Variants in PKNOX2 observed in about 807,000 individuals in gnomAD.
The protein encoded by PKNOX2 is homeobox protein PKNOX2.
Under a neutral mutation model 53.1 loss-of-function variants are expected in PKNOX2, and 14 were observed. That is an observed-to-expected ratio of 0.26 (90% CI 0.17 to 0.41). The LOEUF (loss-of-function observed/expected upper bound fraction) is 0.41. Among genes scored for constraint, PKNOX2 ranks in the 10% least tolerant of loss-of-function variants. The pLI, the probability that PKNOX2 is intolerant of heterozygous loss-of-function variation, is 1.00. For synonymous variants in PKNOX2, 257 were observed against 242.8 expected, an observed-to-expected ratio of 1.06 and a Z score of -0.54; for missense variants, 496 against 602.8, an observed-to-expected ratio of 0.82 and a Z score of 1.85.
intron 10 of PKNOX2, among the ~76,000 whole-genome samples, chr11:125,423,826 T>C (rs1448021423): frequency 6.6e-6 from 1 of 152,248 alleles, no homozygotes; most frequent in Middle Eastern, 3.4e-3. Context: ...TTGCTGGCAT[T>C]GTGAAGCATA....
chr11:125,261,335 G>A (rs146418647), intron 2 of PKNOX2, among the ~76,000 whole-genome samples: 2 of 152,284 alleles, frequency 1.3e-5, no homozygotes, highest in African/African-American at 4.8e-5. Context: ...TCATAGATCT[G>A]GTTTCAACCT....
chr11:125,300,292 A>C lies in PKNOX2; in HGVS notation c.-129-31527A>C, dbSNP rs373846708. Among the ~76,000 whole-genome samples, 7 of 152,318 alleles carry C rather than the reference A, an allele frequency of 4.6e-5. No individual in the cohort carries two copies. The East Asian group carries it at 5.8e-4, about 13-fold the overall frequency. On this transcript the variant is annotated intron_variant, in intron 2 of 12. Transcript: ENST00000298282. ...CAGGCAATGACCACTACTACTACTA[A>C]TAATAGCAATAGCAGCTGGCAGTTT... is the stretch of plus-strand genomic sequence containing the variant.
intron 1 of PKNOX2, among the ~76,000 whole-genome samples, chr11:125,202,917 C>T (rs980467318): frequency 2.6e-5 from 4 of 152,130 alleles, no homozygotes; most frequent in African/African-American, 4.8e-5. Context: ...TTTAAAAAAC[C>T]TTTCATTATG....
intron 4 of PKNOX2, among the ~76,000 whole-genome samples, chr11:125,358,140 C>T (rs1016494834): frequency 6.6e-6 from 1 of 152,198 alleles, no homozygotes; most frequent in Non-Finnish European, 1.5e-5. Context: ...ATTCTTCACT[C>T]GATCACCTGC....
chr11:125,431,268 CAGAAGA>C lies in PKNOX2; in HGVS notation c.1299_1304del (p.Glu434_Glu435del). ...GCACACGATGACTCATTGGATGGGA[CAGAAGA>C]AGAGGATGAGGATGAGATGGAAGAG... On this transcript the variant is annotated inframe_deletion, in exon 13 of 13. Transcript: ENST00000298282. 5 of 1,613,594 alleles carry C rather than the reference CAGAAGA, an allele frequency of 3.1e-6. No homozygotes were observed. Among genetic ancestry groups the C allele is most frequent in the Non-Finnish European group, 4.2e-6 (5 of 1,179,906 alleles).
chr11:125,180,825 T>C (rs1028659287), intron 1 of PKNOX2, among the ~76,000 whole-genome samples: 1 of 152,190 alleles, frequency 6.6e-6, no homozygotes, highest in Non-Finnish European at 1.5e-5. Flanking sequence ...AAGGCAGCTA[T>C]TGGCAACTGA....
At chr11:125,223,378 C>A (rs939602873) in intron 1 of PKNOX2, among the ~76,000 whole-genome samples, 2 of 152,074 alleles carry the variant, frequency 1.3e-5, no homozygotes, top group African/African-American at 2.4e-5. Context: ...TACAGGCACC[C>A]GCCACCATGC....
At chr11:125,167,787 TACTCTTCCAA>T (rs1193719078) in intron 1 of PKNOX2, among the ~76,000 whole-genome samples, 5 of 152,286 alleles carry the variant, frequency 3.3e-5, no homozygotes, top group Non-Finnish European at 7.4e-5. Context: ...ACCTCCCCTT[TACTCTTCCAA>T]AATGGGCCTG....
chr11:125,370,275 T>G lies in PKNOX2; in HGVS notation c.227+2290T>G, dbSNP rs1049782655. On this transcript the variant is annotated intron_variant, in intron 5 of 12. Coordinates refer to ENST00000298282, the MANE Select transcript of PKNOX2 (RefSeq NM_001382323.2). This position sits in a 1 kb window ranked among gnomAD's most constrained non-coding sequence, Gnocchi z 4.1. ...CCTGCGTCCAGCACCAAACAGAGGG[T>G]TTACTCTGTCCCACCAATGGGAACC... 1.3e-5 allele frequency among the ~76,000 whole-genome samples: 2 copies of G among 151,870 alleles called. No individual in the cohort carries two copies. The highest frequency in any genetic ancestry group is 2.9e-5 in the Non-Finnish European group (2 of 67,976).
chr11:125,319,874 A>T (rs1949417124), intron 2 of PKNOX2, among the ~76,000 whole-genome samples: 1 of 152,184 alleles, frequency 6.6e-6, no homozygotes, highest in South Asian at 2.1e-4. Flanking sequence ...GCCTGGGTGG[A>T]TGGAGGCCAA....
At position 125,385,610 on chromosome 11, in the gene PKNOX2, G is replaced by T. The variant is rs774678193; in HGVS notation, c.287G>T (p.Gly96Val). 7 of 1,613,496 alleles carry T rather than the reference G, an allele frequency of 4.3e-6. No homozygotes were observed. In the East Asian group the frequency reaches 1.1e-4, roughly 26 times the overall value. Residue 96 changes from glycine (G) to valine (V), a missense_variant, in exon 6 of 13, where the codon GGC becomes GTC. Gly to Val is a moderately radical substitution (Grantham distance 109). This residue lies in a region of PKNOX2 where 168 missense variants were observed against 178.4 expected (regional missense o/e 0.94). Transcript: ENST00000298282. Reference protein sequence around the residue: ...LFEKCEQATQGSECITSASFD... With the variant: ...LFEKCEQATQVSECITSASFD... ...GAGAAATGTGAACAGGCCACCCAGGGCTCTGAGTGCATCACCTCCGCCAGC... is the reference window on the plus strand; with the variant it reads ...GAGAAATGTGAACAGGCCACCCAGGTCTCTGAGTGCATCACCTCCGCCAGC...
chr11:125,342,610 T>C (rs888353195), intron 3 of PKNOX2, among the ~76,000 whole-genome samples: 3 of 152,196 alleles, frequency 2.0e-5, no homozygotes, highest in Non-Finnish European at 4.4e-5. Context: ...CGGCCTGTGT[T>C]GTTTTCTCAG....
chr11:125,260,821 C>T (rs1232035903), intron 2 of PKNOX2, among the ~76,000 whole-genome samples: 1 of 152,152 alleles, frequency 6.6e-6, no homozygotes, highest in African/African-American at 2.4e-5. Context: ...GAGATGTTTA[C>T]TGAACAAACA....
intron 2 of PKNOX2, among the ~76,000 whole-genome samples, chr11:125,246,223 G>A (rs1174199035): frequency 1.3e-5 from 2 of 152,154 alleles, no homozygotes; most frequent in Admixed American, 6.6e-5. Flanking sequence ...CATCTGGCAG[G>A]GGCCTTCTTG....
intron 3 of PKNOX2, among the ~76,000 whole-genome samples, chr11:125,346,393 C>T (rs1349160145): frequency 6.6e-6 from 1 of 152,230 alleles, no homozygotes; most frequent in South Asian, 2.1e-4. Context: ...TGGGCAAAGG[C>T]TTCCCGAATG....
chr11:125,411,419 T>A (rs1378945895), intron 9 of PKNOX2: 1 of 422,066 alleles, frequency 2.4e-6, no homozygotes, highest in African/African-American at 2.0e-5. Context: ...GGCAAATTCA[T>A]ATCTTCTCCT....
Position 125,288,595 on chromosome 11 carries a change from C to T in PKNOX2, c.-129-43224C>T, listed in dbSNP as rs560496854. On this transcript the variant is annotated intron_variant, in intron 2 of 12. Coordinates refer to ENST00000298282, the MANE Select transcript of PKNOX2 (RefSeq NM_001382323.2). ...AAAGATCGTAGTCACCCTTTTATGT[C>T]TGCCTTTCCAATTTTCCTGGCCAAT... Among the ~76,000 whole-genome samples, 148 of 152,326 alleles carry T rather than the reference C, an allele frequency of 9.7e-4. 3 individuals are homozygous for T. The highest frequency in any genetic ancestry group is 3.5e-3 in the African/African-American group (145 of 41,578).
chr11:125,210,922 G>A (rs192118340), intron 1 of PKNOX2, among the ~76,000 whole-genome samples: 1 of 152,248 alleles, frequency 6.6e-6, no homozygotes, highest in East Asian at 1.9e-4. Flanking sequence ...ATATGTGCAA[G>A]TTTGAGTGAG....
chr11:125,172,578 C>T (rs1355032502), intron 1 of PKNOX2, among the ~76,000 whole-genome samples: 2 of 152,172 alleles, frequency 1.3e-5, no homozygotes, highest in East Asian at 1.9e-4. Flanking sequence ...GACTGTGTGA[C>T]CTTCAACAAG....
Sources: allele counts gnomAD v4.1 joint callset (sites outside exome capture counted in the v4.1 genomes callset), GRCh38; gene constraint gnomAD v4.1.1; regional missense constraint gnomAD v4.1.1; non-coding constraint Gnocchi (gnomAD v3.1); transcripts MANE v1.5; gene names NCBI Gene and HGNC (gene_info 2026-07-23, HGNC 2026-07-21).